Variants in RIMBP2 observed in about 807,000 individuals in gnomAD.
RIMBP2 encodes RIMS binding protein 2.
A neutral mutation model predicts 118.6 loss-of-function variants in RIMBP2; 48 were observed. The ratio of observed to expected loss-of-function variants is 0.40; its 90% CI spans 0.32 to 0.51. RIMBP2 has a LOEUF of 0.51. Among genes scored for constraint, RIMBP2 ranks in the 20% least tolerant of loss-of-function variants. RIMBP2 has a pLI of 0.41. For synonymous variants in RIMBP2, 762 were observed against 742.9 expected (o/e 1.03, Z -0.42); for missense variants, 1,551 against 1,768.3 (o/e 0.88, Z 2.20).
At chr12:130,676,763 G>A (rs1190058668) in intron 1 of RIMBP2, among the ~76,000 whole-genome samples, 4 of 152,188 alleles carry the variant, frequency 2.6e-5, no homozygotes, top group African/African-American at 4.8e-5. Context: ...GAGAAGAGAC[G>A]GTTCCAGACC....
Position 130,424,347 on chromosome 12 carries a change from C to T in RIMBP2, c.2924G>A (p.Gly975Glu), listed in dbSNP as rs1023455519. Residue 975 changes from glycine (G) to glutamate (E), a missense_variant, in exon 16 of 23, where the codon GGG (glycine) becomes GAG (glutamate). Transcript: ENST00000690449. This position sits in a 1 kb window ranked among gnomAD's most constrained non-coding sequence, Gnocchi z 9.8. ...GAGGCCACCAGGGCCCACCTGCTCC[C>T]CAAAGTCCTCCTCCACGCTGCTCTG... is the stretch of plus-strand genomic sequence containing the variant. ...TRQSSVEEDF[G>E]EQVGPGGLLR... 8.9e-6 allele frequency: 11 copies of T among 1,232,262 alleles called. No individual in the cohort carries two copies. The Admixed American group carries it at 2.5e-4, about 28-fold the overall frequency. 76.3% of individuals were successfully genotyped at this position (1,232,262 alleles called of 1,614,324 possible). A position where few individuals can be genotyped will look rare whatever the true frequency, so the allele number is the denominator to read the frequency against.
At position 130,576,722 on chromosome 12, in the gene RIMBP2, C is replaced by T. The variant is rs145785976; in HGVS notation, c.-217+51600G>A. 4.3e-3 allele frequency among the ~76,000 whole-genome samples: 660 copies of T among 152,300 alleles called. 4 individuals carry two copies. Among genetic ancestry groups the T allele is most frequent in the Middle Eastern group, 0.01 (3 of 294 alleles). On this transcript the variant is annotated intron_variant, in intron 2 of 22. Coordinates refer to ENST00000690449, the MANE Select transcript of RIMBP2 (RefSeq NM_001393629.1). This position sits in a 1 kb window ranked among gnomAD's most constrained non-coding sequence, Gnocchi z 4.2. ...CTGCCAGCAGCAGCGAGGAGGAGCC[C>T]CGCCGAGCGCCGAGAGGCATATGTG...
intron 6 of RIMBP2, chr12:130,465,431 C>G (rs185306591): frequency 6.6e-6 from 1 of 152,498 alleles, no homozygotes; most frequent in Non-Finnish European, 1.5e-5. Context: ...CTCCTCATGA[C>G]GTTCCCCTGA....
intron 19 of RIMBP2, among the ~76,000 whole-genome samples, chr12:130,410,190 C>T (rs12297571): frequency 0.083 from 12,621 of 152,200 alleles, 726 homozygotes; most frequent in South Asian, 0.2. Context: ...TCGTCTTTGG[C>T]GAAAGGTCAC....
intron 2 of RIMBP2, among the ~76,000 whole-genome samples, chr12:130,579,215 C>G (rs754751621): frequency 6.6e-6 from 1 of 152,118 alleles, no homozygotes; most frequent in Non-Finnish European, 1.5e-5. Context: ...AGGGCTTATC[C>G]CATTCCCTGG....
In RIMBP2 at chr12:130,424,799, G is replaced by C. The variant is rs2076670168; in HGVS notation, c.2472C>G (p.His824Gln). The change falls in exon 16 of 23, where the codon CAC becomes CAG. Residue 824 changes from histidine to glutamine, a missense_variant. Physicochemically the swap from His to Gln is conservative, Grantham distance 24. Transcript: ENST00000690449. The surrounding 1 kb of genome is among the most constrained non-coding windows in gnomAD (Gnocchi z 9.8). ...GTFWEQPEFP[H>Q]QPHRKRLFSI... ...TGAAAAGTCTCTTCCTGTGGGGCTG[G>C]TGGGGAAACTCGGGCTGCTCCCAGA... 6 of 1,232,670 alleles carry C rather than the reference G, an allele frequency of 4.9e-6. No homozygotes were observed. The Admixed American group carries it at 1.3e-4, about 26-fold the overall frequency. The allele number at this position is 1,232,670 out of a possible 1,614,324, so 76.4% of individuals were successfully genotyped here.
chr12:130,699,662 G>A (rs1022873204), intron 1 of RIMBP2, among the ~76,000 whole-genome samples: 7 of 151,686 alleles, frequency 4.6e-5, no homozygotes, highest in Non-Finnish European at 7.4e-5. Flanking sequence ...ACACCAACAC[G>A]ACACATGTAT....
At chr12:130,478,405 A>G (rs991192182) in intron 5 of RIMBP2, among the ~76,000 whole-genome samples, 16 of 152,168 alleles carry the variant, frequency 1.1e-4, no homozygotes, top group African/African-American at 3.9e-4. Flanking sequence ...TGGATGGACC[A>G]TGGTGCACAC....
intron 2 of RIMBP2, among the ~76,000 whole-genome samples, chr12:130,592,456 T>C (rs2059326653): frequency 1.3e-5 from 2 of 151,912 alleles, no homozygotes; most frequent in African/African-American, 4.8e-5. Flanking sequence ...TCTGGGAGGC[T>C]GAGGAGGGTG....
intron 6 of RIMBP2, among the ~76,000 whole-genome samples, chr12:130,462,655 G>A (rs912039780): frequency 3.3e-5 from 5 of 152,196 alleles, no homozygotes; most frequent in Admixed American, 6.5e-5. Context: ...ACGCTGACTC[G>A]AGGAATCTGG....
rs577263897 is a variant in RIMBP2 at position 130,424,861 on chromosome 12, T to C, written c.2413-3A>G. ...GAGGTCCTATGGTCAGTGCAGTCCT[T>C]ACGGGGTGGTGTGTCAAGAACAGGC... On this transcript the variant is annotated splice_region_variant and splice_polypyrimidine_tract_variant and intron_variant, in intron 15 of 22. Transcript: ENST00000690449. This position sits in a 1 kb window ranked among gnomAD's most constrained non-coding sequence, Gnocchi z 9.8. 6.5e-6 allele frequency: 8 copies of C among 1,231,576 alleles called. No individual in the cohort carries two copies. Among genetic ancestry groups the C allele is most frequent in the Non-Finnish European group, 8.1e-6 (8 of 987,458 alleles). The allele number at this position is 1,231,576 out of a possible 1,614,324, so 76.3% of individuals were successfully genotyped here.
chr12:130,504,405 T>G (rs2050107167), intron 4 of RIMBP2, among the ~76,000 whole-genome samples: 1 of 152,092 alleles, frequency 6.6e-6, no homozygotes, highest in Non-Finnish European at 1.5e-5. Flanking sequence ...TGATTGAAAC[T>G]CTGTTGAGGT....
At chr12:130,635,336 G>A (rs186440534) in intron 1 of RIMBP2, among the ~76,000 whole-genome samples, 5 of 152,278 alleles carry the variant, frequency 3.3e-5, no homozygotes, top group East Asian at 1.9e-4. Context: ...GAGAGCATCC[G>A]GCCAAAGGAG....
rs61936797 is a variant in RIMBP2, at chr12:130,646,238, T to A, written c.-351-17782A>T. On this transcript the variant is annotated intron_variant, in intron 1 of 22. Coordinates refer to ENST00000690449, the MANE Select transcript of RIMBP2 (RefSeq NM_001393629.1). ...CTCCACCTCCCTCACCACCTGCCTC[T>A]CCACCTCCCTCACCACTTCCCTCTC... Among the ~76,000 whole-genome samples, 100 of 13,776 alleles carry A rather than the reference T, an allele frequency of 7.3e-3. 8 individuals are homozygous for A. The highest frequency in any genetic ancestry group is 9.9e-3 in the Admixed American group (11 of 1,116). 9.0% of individuals were successfully genotyped at this position (13,776 alleles called of 152,430 possible). A position where few individuals can be genotyped will look rare whatever the true frequency, so the allele number is the denominator to read the frequency against.
At chr12:130,549,636 G>A (rs543094862) in intron 2 of RIMBP2, among the ~76,000 whole-genome samples, 82 of 152,204 alleles carry the variant, frequency 5.4e-4, no homozygotes, top group East Asian at 3.9e-4. Context: ...GTGTTAGTTC[G>A]CTGAGGATAA....
At chr12:130,607,921 G>A (rs2140523939) in intron 2 of RIMBP2, among the ~76,000 whole-genome samples, 2 of 152,244 alleles carry the variant, frequency 1.3e-5, no homozygotes, top group South Asian at 4.1e-4. Flanking sequence ...GAATGTGTGG[G>A]GGTCAGAGGT....
chr12:130,461,509 A>G (rs896462879), intron 6 of RIMBP2, among the ~76,000 whole-genome samples: 9 of 151,742 alleles, frequency 5.9e-5, no homozygotes, highest in African/African-American at 1.7e-4. Context: ...TCCACATCTC[A>G]TGTTGAAAAG....
intron 4 of RIMBP2, among the ~76,000 whole-genome samples, chr12:130,480,986 G>C (rs569168830): frequency 6.6e-6 from 1 of 152,368 alleles, no homozygotes; most frequent in Admixed American, 6.5e-5. Flanking sequence ...GCGTCCAAGA[G>C]AAGGTTAACG....
At chr12:130,596,062 T>C (rs2059540309) in intron 2 of RIMBP2, among the ~76,000 whole-genome samples, 1 of 152,214 alleles carries the variant, frequency 6.6e-6, no homozygotes, top group Non-Finnish European at 1.5e-5. Flanking sequence ...TGCAAAGCCA[T>C]CGTCCCTGAT....
Sources: gnomAD v4.1 joint callset for allele counts (sites outside exome capture counted in the v4.1 genomes callset) on GRCh38, gnomAD v4.1.1 for gene constraint, Gnocchi (gnomAD v3.1) non-coding constraint, MANE v1.5 for transcripts, NCBI Gene and HGNC (gene_info 2026-07-23, HGNC 2026-07-21) for gene names.